The following SPTA1 variants were observed in gnomAD, a reference collection of about 807,000 sequenced individuals.
SPTA1 encodes spectrin alpha, erythrocytic 1.
Under a neutral mutation model 324.7 loss-of-function variants are expected in SPTA1, and 177 were observed. The observed-to-expected ratio is 0.55, with a 90% CI of 0.48 to 0.62. The LOEUF is 0.62. Ranked by LOEUF, SPTA1 falls within the 20% of genes least tolerant of loss-of-function variation. The pLI is 0.00. For synonymous variants in SPTA1, 1,195 were observed against 1,041.3 expected, an observed-to-expected ratio of 1.15 and a Z score of -2.84; for missense variants, 3,162 against 2,883.6, an observed-to-expected ratio of 1.10 and a Z score of -2.21.
At chr1:158,649,799 AG>A (rs1160850458) in intron 25 of SPTA1, 56 bp downstream of exon 25, 1 of 1,355,964 alleles carries the variant, frequency 7.4e-7, no homozygotes, top group African/African-American at 1.4e-5. Context: ...TAATAGACTT[AG>A]AAGTTTAGTG....
rs1649768658 is a variant in SPTA1, at chr1:158,619,394, G to T, written c.6418-60C>A. On this transcript the variant is annotated intron_variant, in intron 44 of 51. Coordinates refer to ENST00000643759, the MANE Select transcript of SPTA1 (RefSeq NM_003126.4). Reference sequence around the variant, plus strand: ...TCGAAGGCCTTTCTTTGCCATAAGAGAATTGGTTTGTAGGCTTAACTGCAT... The same window carrying T: ...TCGAAGGCCTTTCTTTGCCATAAGATAATTGGTTTGTAGGCTTAACTGCAT... The T allele has an allele frequency of 1.3e-5, 20 of 1,541,432 alleles. No individual in the cohort carries two copies. In the South Asian group the frequency reaches 1.3e-4, roughly 10 times the overall value.
chr1:158,643,096 T>A (rs1651735406), intron 31 of SPTA1, 120 bp from the exon 32 acceptor site: 1 of 1,423,984 alleles, frequency 7.0e-7, no homozygotes, highest in South Asian at 1.2e-5. Context: ...GTCTTATTAT[T>A]TTCATTATAA....
chr1:158,612,764 C>T (rs2101744622), intron 51 of SPTA1, 53 bp downstream of exon 51: 1 of 1,609,104 alleles, frequency 6.2e-7, no homozygotes, highest in Admixed American at 1.7e-5. Flanking sequence ...CCTGAGATGA[C>T]CAGAATTCAA....
Position 158,642,477 on chromosome 1 carries a change from G to A in SPTA1, c.4671C>T (p.Gly1557=), listed in dbSNP as rs549911913. ...TCAGGGAGTTCCCCAGGTTGATGAC[G>A]CCATGCACCTGCTCAGATCGGCCAT... The part of the protein sequence containing the change: ...EVDGRSEQVH[G]VINLGNSLIE... Residue 1557 remains glycine (G), a synonymous_variant, in exon 33 of 52, where the codon GGC becomes GGT. Coordinates refer to ENST00000643759, the MANE Select transcript of SPTA1 (RefSeq NM_003126.4). 42 of 1,613,598 alleles carry A rather than the reference G, an allele frequency of 2.6e-5. No individual in the cohort carries two copies. Among genetic ancestry groups the A allele is most frequent in the Admixed American group, 1.2e-4 (7 of 59,958 alleles).
At position 158,639,651 on chromosome 1, in the gene SPTA1, C is replaced by T; in HGVS notation, c.4911G>A (p.Arg1637=). 1 of 1,613,854 alleles carries T rather than the reference C, an allele frequency of 6.2e-7. No individual in the cohort carries two copies. The highest frequency in any genetic ancestry group is 8.5e-7 in the Non-Finnish European group (1 of 1,179,886). Reference sequence around the variant, plus strand: ...GTAGGTTTCCTGCTGAAGCCAAGTCCCTGGCCTGATCTTTCATGGCCAGCA... The same window carrying T: ...GTAGGTTTCCTGCTGAAGCCAAGTCTCTGGCCTGATCTTTCATGGCCAGCA... ...ETLLAMKDQA[R]DLASAGNLLK... Residue 1637 remains arginine, a synonymous_variant, in exon 35 of 52, where the codon AGG becomes AGA. Transcript: ENST00000643759.
chr1:158,626,328 C>T (rs1650265838), intron 41 of SPTA1, 106 bp from the exon 42 acceptor site: 2 of 1,048,298 alleles, frequency 1.9e-6, no homozygotes, highest in Admixed American at 2.0e-5. Context: ...CTTCTTGACT[C>T]TCAAAGTTGA....
rs771711044 is a variant in SPTA1 at position 158,611,406 on chromosome 1, G to A, written c.7135-17C>T. ...GGTAAGGGCCTGAAAAGTATAAAAA[G>A]AGAAAAATACAGTTATAGGGATTCA... On this transcript the variant is annotated splice_polypyrimidine_tract_variant and intron_variant, in intron 51 of 51. Coordinates refer to ENST00000643759, the MANE Select transcript of SPTA1 (RefSeq NM_003126.4). 6.2e-7 allele frequency: 1 copy of A among 1,612,880 alleles called. No individual in the cohort carries two copies. The highest frequency in any genetic ancestry group is 1.1e-5 in the South Asian group (1 of 91,068).
Position 158,614,234 on chromosome 1 carries a change from A to G in SPTA1, c.6842+19T>C. 1 of 1,535,912 alleles carries G rather than the reference A, an allele frequency of 6.5e-7. No homozygotes were observed. Among genetic ancestry groups the G allele is most frequent in the South Asian group, 1.1e-5 (1 of 89,052 alleles). ...AATCTGAAAAACAAAGAAGCAGTTA[A>G]CTATGAAATTATACTCACTTATAGA... is the stretch of plus-strand genomic sequence containing the variant. On this transcript the variant is annotated intron_variant, in intron 49 of 51. Coordinates refer to ENST00000643759, the MANE Select transcript of SPTA1 (RefSeq NM_003126.4).
At chr1:158,619,189 A>T (rs1553223463) in intron 45 of SPTA1, 33 bp downstream of exon 45, 1 of 1,589,572 alleles carries the variant, frequency 6.3e-7, no homozygotes, top group Non-Finnish European at 8.6e-7. Flanking sequence ...GTGGTGGCAC[A>T]GGGGTCATGG....
intron 23 of SPTA1, 147 bp from the exon 24 acceptor site, chr1:158,651,615 G>A: frequency 1.4e-6 from 1 of 695,544 alleles, no homozygotes; most frequent in Non-Finnish European, 2.6e-6. Flanking sequence ...ATCCACCACT[G>A]AGAAGAGTAT....
At position 158,666,358 on chromosome 1, in the gene SPTA1, G is replaced by C. The variant is rs1433043757; in HGVS notation, c.2178C>G (p.Leu726=). Residue 726 remains leucine, a synonymous_variant, in exon 16 of 52, where the codon CTC becomes CTG. Transcript: ENST00000643759. Reference sequence around the variant, plus strand: ...CCGACTCCAGGAGGCCGTGTTTCCTGAGTCGATTCTGTACCTCGGCCAGGC... The same window carrying C: ...CCGACTCCAGGAGGCCGTGTTTCCTCAGTCGATTCTGTACCTCGGCCAGGC... The part of the protein sequence containing the change: ...GKGLAEVQNR[L]RKHGLLESAV... The C allele has an allele frequency of 3.0e-5, 49 of 1,613,754 alleles. No individual in the cohort carries two copies. Among genetic ancestry groups the C allele is most frequent in the Non-Finnish European group, 4.2e-5 (49 of 1,179,974 alleles).
chr1:158,652,564 T>C lies in SPTA1; in HGVS notation c.3278A>G (p.Asp1093Gly). ...TTTCTCTTGAATCCATTCCAGCATG[T>C]CTCCTGCCTCATAGGCCAATAAAAA... The part of the protein sequence containing the change: ...NEFLLAYEAG[D>G]MLEWIQEKKA... The change falls in exon 23 of 52, where the codon GAC (aspartate) becomes GGC (glycine). Residue 1093 changes from aspartate (D) to glycine (G), a missense_variant. Asp to Gly is a moderately conservative substitution (Grantham distance 94, BLOSUM62 -1). Coordinates refer to ENST00000643759, the MANE Select transcript of SPTA1 (RefSeq NM_003126.4). 1.2e-6 allele frequency: 2 copies of C among 1,614,100 alleles called. No homozygotes were observed. Among genetic ancestry groups the C allele is most frequent in the Non-Finnish European group, 1.7e-6 (2 of 1,180,018 alleles).
At chr1:158,640,625 C>T (rs567864914) in intron 33 of SPTA1, among the ~76,000 whole-genome samples, 115 of 152,092 alleles carry the variant, frequency 7.6e-4, no homozygotes, top group African/African-American at 2.7e-3. Flanking sequence ...ATGTGAAGGA[C>T]CTCTTCAAGG....
rs572348306 is a variant in SPTA1 at position 158,648,737 on chromosome 1, A to G, written c.3570-84T>C. On this transcript the variant is annotated intron_variant, in intron 25 of 51. Transcript: ENST00000643759. ...TGGGGGTCACAAGAAAGTTATCATCACTACCACTCACCATCCTCCCACCCA... is the reference window on the plus strand; with the variant it reads ...TGGGGGTCACAAGAAAGTTATCATCGCTACCACTCACCATCCTCCCACCCA... The G allele has an allele frequency of 9.3e-4, 1,355 of 1,462,202 alleles. 2 individuals carry two copies. The highest frequency in any genetic ancestry group is 1.1e-3 in the Non-Finnish European group (1,219 of 1,068,544). The allele number at this position is 1,462,202 out of a possible 1,614,324, so 90.6% of individuals were successfully genotyped here. A position where few individuals can be genotyped will look rare whatever the true frequency, so the allele number is the denominator to read the frequency against.
At chr1:158,629,432 A>G (rs139291043) in intron 39 of SPTA1, among the ~76,000 whole-genome samples, 194 of 152,122 alleles carry the variant, frequency 1.3e-3, no homozygotes, top group African/African-American at 4.0e-3. Flanking sequence ...AAAAGATAGA[A>G]CTAAATCATC....
intron 38 of SPTA1, 85 bp downstream of exon 38, chr1:158,635,828 C>T: frequency 6.3e-7 from 1 of 1,596,394 alleles, no homozygotes. Context: ...GCAGACAATG[C>T]TGAGCAGGCA....
rs76355991 is a variant in SPTA1, at chr1:158,617,645, C to A, written c.6549-57G>T. 1,738 of 1,462,598 alleles carry A rather than the reference C, an allele frequency of 1.2e-3. 9 individuals are homozygous for A. The African/African-American group carries it at 0.02, about 17-fold the overall frequency. The allele number at this position is 1,462,598 out of a possible 1,614,324, so 90.6% of individuals were successfully genotyped here. ...TCACATCACAGGTCAATATTTCATACATGCATACCAACTCGAAGCTCCTCT... is the reference window on the plus strand; with the variant it reads ...TCACATCACAGGTCAATATTTCATAAATGCATACCAACTCGAAGCTCCTCT... On this transcript the variant is annotated intron_variant, in intron 46 of 51. Coordinates refer to ENST00000643759, the MANE Select transcript of SPTA1 (RefSeq NM_003126.4).
chr1:158,623,190 G>C lies in SPTA1; in HGVS notation c.5913C>G (p.Asp1971Glu). The C allele has an allele frequency of 1.2e-6, 2 of 1,613,924 alleles. No individual in the cohort carries two copies. Among genetic ancestry groups the C allele is most frequent in the Non-Finnish European group, 8.5e-7 (1 of 1,179,820 alleles). ...AACTCTGCAGACTGGCATCCAGAGT[G>C]TCCTGAGAAAGATCAGGAGAGAGGC... is the stretch of plus-strand genomic sequence containing the variant. ...GDFLTLLAKQ[D>E]TLDASLQSFQ... is the part of the protein sequence containing the mutation. The change falls in exon 43 of 52, where the codon GAC becomes GAG. Residue 1971 changes from aspartate to glutamate, a missense_variant and splice_region_variant. Transcript: ENST00000643759.
At chr1:158,617,044 TA>T (rs66621886) in intron 47 of SPTA1, among the ~76,000 whole-genome samples, 90,750 of 150,920 alleles carry the variant, frequency 0.6, 27,412 homozygotes, top group Middle Eastern at 0.68. Flanking sequence ...AGAATAATAG[TA>T]AAAAAAAAAT....
Sources: allele counts gnomAD v4.1 joint callset (sites outside exome capture counted in the v4.1 genomes callset), GRCh38; gene constraint gnomAD v4.1.1; transcripts MANE v1.5; gene names NCBI Gene and HGNC (gene_info 2026-07-23, HGNC 2026-07-21).